The following GON4L variants were observed in gnomAD, a reference collection of about 807,000 sequenced individuals.
GON4L encodes the protein gon-4 like.
A neutral mutation model predicts 211.8 loss-of-function variants in GON4L; 87 were observed. That is an observed-to-expected ratio of 0.41 (90% confidence interval 0.35 to 0.49). GON4L has a LOEUF of 0.49. Ranked by LOEUF, GON4L falls within the 20% of genes least tolerant of loss-of-function variation. The pLI is 0.15. For missense variants in GON4L, 2,155 were observed against 2,659.5 expected (o/e 0.81, Z 4.17); for synonymous variants, 875 against 962.6 (o/e 0.91, Z 1.68).
chr1:155,763,428 C>A lies in GON4L; in HGVS notation c.4610G>T (p.Ser1537Ile), dbSNP rs1662051127. The A allele has an allele frequency of 3.2e-6, 5 of 1,575,136 alleles. No individual in the cohort carries two copies. Among genetic ancestry groups the A allele is most frequent in the Admixed American group, 3.8e-5 (2 of 52,966 alleles). Reference protein sequence around the residue: ...EEEEEAEGMESLQKEDEMTDE... With the variant: ...EEEEEAEGMEILQKEDEMTDE... ...CGTCATTTCATCCTCTTTCTGCAGGCTTTCCATTCCTTCTGCTTCTTCTTC... is the reference window on the plus strand; with the variant it reads ...CGTCATTTCATCCTCTTTCTGCAGGATTTCCATTCCTTCTGCTTCTTCTTC... The change falls in exon 22 of 32, where the codon AGC (serine) becomes ATC (isoleucine). Residue 1537 changes from serine (S) to isoleucine (I), a missense_variant. By Grantham distance (142) the Ser-to-Ile change is moderately radical (BLOSUM62 -2). Transcript: ENST00000368331.
intron 25 of GON4L, 40 bp from the exon 26 acceptor site, chr1:155,757,363 C>A: frequency 1.9e-6 from 3 of 1,587,888 alleles, no homozygotes; most frequent in Non-Finnish European, 2.6e-6. Flanking sequence ...GTCTCCAGAG[C>A]CTCTCTAGGC....
At chr1:155,797,204 T>G (rs944565509) in intron 11 of GON4L, among the ~76,000 whole-genome samples, 3 of 152,060 alleles carry the variant, frequency 2.0e-5, no homozygotes, top group African/African-American at 7.2e-5. Flanking sequence ...AACCTCCACC[T>G]GCTGGGTTCA....
intron 10 of GON4L, among the ~76,000 whole-genome samples, chr1:155,809,889 CAT>C (rs71080727): frequency 0.074 from 807 of 10,954 alleles, 328 homozygotes; most frequent in African/African-American, 0.091. Flanking sequence ...AAATTATATA[CAT>C]ATATATAATT....
At chr1:155,748,593 C>A, downstream of GON4L, 1 of 1,613,328 alleles carries the variant, frequency 6.2e-7, no homozygotes, top group Non-Finnish European at 8.5e-7. Context: ...GTGTTCTCTT[C>A]CTTCTCTTTA....
At chr1:155,747,789 G>A (rs767581402), downstream of GON4L, 10 of 1,613,372 alleles carry the variant, frequency 6.2e-6, no homozygotes, top group Middle Eastern at 1.7e-4. Flanking sequence ...TGACCTGCAC[G>A]ATGGCTTCTC....
Position 155,765,720 on chromosome 1 carries a change from G to C in GON4L, c.3753C>G (p.Pro1251=). Residue 1251 remains proline (P), a synonymous_variant, in exon 21 of 32, where the codon CCC becomes CCG. Transcript: ENST00000368331. ...AFQGLEPKLE[P]QELSPLSATV... ...TAGCAGAGAGAGGAGATAGTTCCTG[G>C]GGCTCTAATTTGGGTTCTAGGCCCT... 1 of 1,614,136 alleles carries C rather than the reference G, an allele frequency of 6.2e-7. No individual in the cohort carries two copies. The highest frequency in any genetic ancestry group is 2.2e-5 in the East Asian group (1 of 44,880).
At chr1:155,760,992 G>A (rs1661725236) in intron 23 of GON4L, among the ~76,000 whole-genome samples, 2 of 152,092 alleles carry the variant, frequency 1.3e-5, no homozygotes, top group African/African-American at 4.8e-5. Flanking sequence ...TTTCAGCATG[G>A]GCGTAATTTG....
At position 155,766,075 on chromosome 1, in the gene GON4L, G is replaced by C. The variant is rs1485784757; in HGVS notation, c.3398C>G (p.Pro1133Arg). ...RGVKASPCMK[P>R]APVIHHPASV... The stretch of plus-strand genomic sequence containing the variant: ...TGCAGGGTGGTGGATAACAGGGGCA[G>C]GTTTCATACAGGGAGAGGCCTTGAC... The change falls in exon 21 of 32, where the codon CCT becomes CGT. Residue 1133 changes from proline to arginine, a missense_variant. Pro to Arg is a moderately radical substitution (Grantham distance 103). Around this residue, in one of 6 missense-constraint regions of GON4L, gnomAD observed 615 missense variants for 625.7 expected, o/e 0.98. Transcript: ENST00000368331. 6.2e-7 allele frequency: 1 copy of C among 1,614,198 alleles called. No homozygotes were observed. Among genetic ancestry groups the C allele is most frequent in the Admixed American group, 1.7e-5 (1 of 60,014 alleles).
chr1:155,858,636 G>GTTT (rs60054192), upstream of GON4L, among the ~76,000 whole-genome samples: 2,142 of 107,870 alleles, frequency 0.02, 68 homozygotes, highest in Non-Finnish European at 0.027. Flanking sequence ...TTCATTAGTT[G>GTTT]TTTTTTTTTT....
chr1:155,824,762 CA>C (rs58791710), intron 3 of GON4L, among the ~76,000 whole-genome samples: 7,445 of 52,114 alleles, frequency 0.14, 208 homozygotes, highest in African/African-American at 0.22. Flanking sequence ...GACTCTGTCG[CA>C]AAAAAAAAAA....
intron 21 of GON4L, chr1:155,764,515 C>T: frequency 3.3e-6 from 1 of 300,330 alleles, no homozygotes. Context: ...TCTCGGCTCA[C>T]TGCAACCTCT....
At chr1:155,794,688 G>A (rs1027136745) in intron 12 of GON4L, among the ~76,000 whole-genome samples, 2 of 151,892 alleles carry the variant, frequency 1.3e-5, no homozygotes, top group African/African-American at 4.8e-5. Context: ...TCTCTTTTAG[G>A]TCATTATTAT....
chr1:155,852,869 T>C (rs1017913223), intron 2 of GON4L, among the ~76,000 whole-genome samples: 3 of 152,120 alleles, frequency 2.0e-5, no homozygotes, highest in Admixed American at 1.3e-4. Flanking sequence ...TCCCAGCACT[T>C]TGGGAGGCCA....
At chr1:155,760,037 G>A (rs964905161) in intron 24 of GON4L, among the ~76,000 whole-genome samples, 1 of 146,674 alleles carries the variant, frequency 6.8e-6, no homozygotes, top group Non-Finnish European at 1.5e-5. Flanking sequence ...TCATGATAAC[G>A]TAAGCTCCAC....
At chr1:155,808,804 G>A (rs909560088) in intron 10 of GON4L, among the ~76,000 whole-genome samples, 4 of 151,886 alleles carry the variant, frequency 2.6e-5, no homozygotes, top group African/African-American at 9.7e-5. Flanking sequence ...TAGGGACAAG[G>A]TCTCACTAGG....
At chr1:155,800,595 TGTA>T (rs1369754235) in intron 11 of GON4L, among the ~76,000 whole-genome samples, 2 of 151,964 alleles carry the variant, frequency 1.3e-5, no homozygotes, top group Non-Finnish European at 2.9e-5. Flanking sequence ...GGCTCAAGCC[TGTA>T]ATCCCAGCAC....
intron 21 of GON4L, chr1:155,764,707 G>T: frequency 1.2e-6 from 1 of 809,510 alleles, no homozygotes; most frequent in Non-Finnish European, 2.0e-6. Flanking sequence ...CCAAAGTGCT[G>T]GGACTACAGG....
At chr1:155,768,309 C>CAA (rs71080724) in intron 19 of GON4L, among the ~76,000 whole-genome samples, 91,865 of 112,510 alleles carry the variant, frequency 0.82, 39,461 homozygotes, top group East Asian at 0.99. Flanking sequence ...GACTCCGTCT[C>CAA]AAAAAAAAAA....
chr1:155,800,863 A>G (rs1318556549), intron 11 of GON4L, among the ~76,000 whole-genome samples: 1 of 151,574 alleles, frequency 6.6e-6, no homozygotes, highest in Non-Finnish European at 1.5e-5. Context: ...AAAAAAAAAA[A>G]AAAAAAAAGG....
Sources: allele counts gnomAD v4.1 joint callset (sites outside exome capture counted in the v4.1 genomes callset), GRCh38; gene constraint gnomAD v4.1.1; regional missense constraint gnomAD v4.1.1; transcripts MANE v1.5; gene names NCBI Gene and HGNC (gene_info 2026-07-23, HGNC 2026-07-21).